The following ASIC2 variants were observed in gnomAD, a reference collection of about 807,000 sequenced individuals.
ASIC2 encodes the protein acid-sensing ion channel 2.
A neutral mutation model predicts 57.3 loss-of-function variants in ASIC2; 25 were observed. That is an observed-to-expected ratio of 0.44 (90% CI 0.32 to 0.61). The LOEUF (loss-of-function observed/expected upper bound fraction) is 0.61, where lower values mean the gene tolerates loss of function less well. Ranked by LOEUF, ASIC2 falls within the 20% of genes least tolerant of loss-of-function variation. ASIC2 has a pLI of 0.06. For missense variants in ASIC2, 641 were observed against 738.1 expected (o/e 0.87, Z 1.52); for synonymous variants, 319 against 307.5 (o/e 1.04, Z -0.39).
At chr17:33,317,203 G>A (rs1906691299) in intron 1 of ASIC2, among the ~76,000 whole-genome samples, 1 of 152,200 alleles carries the variant, frequency 6.6e-6, no homozygotes, top group South Asian at 2.1e-4. Flanking sequence ...TACATCTGGT[G>A]CCTGAGGCCT....
At chr17:33,736,523 T>G (rs1163288694) in intron 1 of ASIC2, among the ~76,000 whole-genome samples, 1 of 152,166 alleles carries the variant, frequency 6.6e-6, no homozygotes, top group African/African-American at 2.4e-5. Flanking sequence ...GGCATCTGTT[T>G]CCTGTGAGGC....
intron 1 of ASIC2, among the ~76,000 whole-genome samples, chr17:33,828,657 G>A (rs1158643705): frequency 2.0e-5 from 3 of 152,158 alleles, no homozygotes; most frequent in Admixed American, 1.3e-4. Context: ...GTGAGAGCAC[G>A]TAAACTGGAA....
At chr17:33,448,947 G>T (rs1030124985) in intron 1 of ASIC2, among the ~76,000 whole-genome samples, 2 of 152,180 alleles carry the variant, frequency 1.3e-5, no homozygotes, top group African/African-American at 4.8e-5. Context: ...AATTCTTGGT[G>T]CTGCCTCTTA....
chr17:33,204,382 A>G (rs780669001), intron 1 of ASIC2, among the ~76,000 whole-genome samples: 3 of 152,180 alleles, frequency 2.0e-5, no homozygotes, highest in Non-Finnish European at 1.5e-5. Context: ...CCTTCATGCC[A>G]TCTGGGCAGG....
At chr17:33,095,114 G>A (rs183825752) in intron 2 of ASIC2, among the ~76,000 whole-genome samples, 118 of 152,292 alleles carry the variant, frequency 7.7e-4, no homozygotes, top group African/African-American at 2.6e-3. Flanking sequence ...ACAGAGTTTA[G>A]CTTAATAACT....
At chr17:33,440,260 T>G (rs1597728500) in intron 1 of ASIC2, among the ~76,000 whole-genome samples, 1 of 152,356 alleles carries the variant, frequency 6.6e-6, no homozygotes, top group African/African-American at 2.4e-5. Context: ...CTGGCCTCTT[T>G]TCCTTAGCCT....
rs548760495 is a variant in ASIC2 at position 34,102,846 on chromosome 17, T to C, written c.555+53132A>G. Reference sequence around the variant, plus strand: ...TCTCTTGGATTAAGGAGTGTTCCTCTTAACGGTTTAAGAAATTACCAAAGT... The same window carrying C: ...TCTCTTGGATTAAGGAGTGTTCCTCCTAACGGTTTAAGAAATTACCAAAGT... On this transcript the variant is annotated intron_variant, in intron 1 of 9. Coordinates refer to the ASIC2 transcript ENST00000359872. Among the ~76,000 whole-genome samples the C allele has an allele frequency of 4.9e-4, 74 of 152,346 alleles. No individual in the cohort carries two copies. In the South Asian group the frequency reaches 7.0e-3, roughly 15 times the overall value.
At chr17:33,564,997 G>A (rs1916190100) in intron 1 of ASIC2, among the ~76,000 whole-genome samples, 2 of 152,138 alleles carry the variant, frequency 1.3e-5, no homozygotes, top group African/African-American at 2.4e-5. Context: ...CTAATGACTG[G>A]TTTGCTGTTA....
intron 1 of ASIC2, among the ~76,000 whole-genome samples, chr17:33,981,043 C>G (rs888110456): frequency 6.6e-6 from 1 of 151,736 alleles, no homozygotes; most frequent in Non-Finnish European, 1.5e-5. Context: ...TCAAGCAACT[C>G]CACTGCCTCA....
chr17:33,412,180 C>T lies in ASIC2; in HGVS notation c.556-300113G>A, dbSNP rs545307972. On this transcript the variant is annotated intron_variant, in intron 1 of 9. Coordinates refer to the ASIC2 transcript ENST00000359872. ...TTTTCATCGCTCCTTGATCCTATTGCTTTTTCTCAAGCTAAAAAGAAAGGA... is the reference window on the plus strand; with the variant it reads ...TTTTCATCGCTCCTTGATCCTATTGTTTTTTCTCAAGCTAAAAAGAAAGGA... Among the ~76,000 whole-genome samples, 5 of 152,292 alleles carry T rather than the reference C, an allele frequency of 3.3e-5. No individual in the cohort carries two copies. In the South Asian group the frequency reaches 8.3e-4, roughly 25 times the overall value.
chr17:33,242,247 G>A (rs1388455111), intron 1 of ASIC2, among the ~76,000 whole-genome samples: 5 of 151,756 alleles, frequency 3.3e-5, no homozygotes, highest in Non-Finnish European at 7.4e-5. Flanking sequence ...AACCTGGGAG[G>A]CGGAGCTTGC....
intron 1 of ASIC2, among the ~76,000 whole-genome samples, chr17:34,022,266 T>A (rs1032121367): frequency 2.0e-5 from 3 of 152,160 alleles, no homozygotes; most frequent in Non-Finnish European, 4.4e-5. Context: ...CACTTGCAGT[T>A]CCCAGCATTC....
chr17:34,098,598 C>A (rs936077628), intron 1 of ASIC2, among the ~76,000 whole-genome samples: 6 of 152,156 alleles, frequency 3.9e-5, no homozygotes, highest in African/African-American at 9.7e-5. Flanking sequence ...AAAATGTCAG[C>A]TCCACAAAAG....
At chr17:33,570,969 C>T (rs746205152) in intron 1 of ASIC2, among the ~76,000 whole-genome samples, 1 of 152,172 alleles carries the variant, frequency 6.6e-6, no homozygotes, top group African/African-American at 2.4e-5. Context: ...CAAAGCAAGT[C>T]ACAAGGCCAG....
In ASIC2 at chr17:33,431,878, C is replaced by T. The variant is rs181421217; in HGVS notation, c.556-319811G>A. Reference sequence around the variant, plus strand: ...AAAGTATACCAGTAAGATATGCCCACGAAAGAGTATAACTATAATGCACTA... The same window carrying T: ...AAAGTATACCAGTAAGATATGCCCATGAAAGAGTATAACTATAATGCACTA... On this transcript the variant is annotated intron_variant, in intron 1 of 9. Coordinates refer to the ASIC2 transcript ENST00000359872. 1.2e-4 allele frequency among the ~76,000 whole-genome samples: 18 copies of T among 152,084 alleles called. No individual in the cohort carries two copies. The South Asian group carries it at 2.3e-3, about 19-fold the overall frequency.
At chr17:34,024,213 C>T (rs1455767439) in intron 1 of ASIC2, among the ~76,000 whole-genome samples, 3 of 152,208 alleles carry the variant, frequency 2.0e-5, no homozygotes, top group Non-Finnish European at 4.4e-5. Context: ...GGCTGTCTCT[C>T]TGACTTCCTG....
At chr17:33,620,673 C>T (rs375688815) in intron 1 of ASIC2, among the ~76,000 whole-genome samples, 106 of 152,218 alleles carry the variant, frequency 7.0e-4, no homozygotes, top group African/African-American at 2.4e-3. Flanking sequence ...TTAAAACTAT[C>T]GTTTCATCTG....
intron 1 of ASIC2, among the ~76,000 whole-genome samples, chr17:33,987,471 C>T (rs1186730532): frequency 3.3e-5 from 5 of 152,222 alleles, no homozygotes; most frequent in African/African-American, 1.2e-4. Context: ...CAGCTAGGGA[C>T]TGGCACCAAG....
At chr17:34,115,237 A>G (rs1417311839) in intron 1 of ASIC2, among the ~76,000 whole-genome samples, 2 of 152,260 alleles carry the variant, frequency 1.3e-5, no homozygotes, top group African/African-American at 4.8e-5. Flanking sequence ...CAATTAGAGC[A>G]TGTAGTATCC....
Sources: gnomAD v4.1 joint callset for allele counts (sites outside exome capture counted in the v4.1 genomes callset) on GRCh38, gnomAD v4.1.1 for gene constraint, MANE v1.5 for transcripts, NCBI Gene and HGNC (gene_info 2026-07-23, HGNC 2026-07-21) for gene names.